Variants in TG observed in about 807,000 individuals in gnomAD.
The protein encoded by TG is thyroglobulin.
Under a neutral mutation model 324.7 loss-of-function variants are expected in TG, and 270 were observed. The ratio of observed to expected loss-of-function variants is 0.83; its 90% CI spans 0.75 to 0.92. The LOEUF (loss-of-function observed/expected upper bound fraction) is 0.92. TG is among the 40% of genes least tolerant of loss of function. The pLI is 0.00. For missense variants in TG, 3,591 were observed against 3,456.4 expected (o/e 1.04, Z -0.98); for synonymous variants, 1,401 against 1,327.0 (o/e 1.06, Z -1.21).
At chr8:132,902,908 C>T (rs867137971) in intron 16 of TG, among the ~76,000 whole-genome samples, 2 of 152,204 alleles carry the variant, frequency 1.3e-5, no homozygotes, top group Admixed American at 1.3e-4. Context: ...TTTCACATCC[C>T]TTATCCCATT....
At position 132,983,267 on chromosome 8, in the gene TG, TCTTATA is replaced by T. The variant is rs1831114773; in HGVS notation, c.6200-76_6200-71del. On this transcript the variant is annotated intron_variant, in intron 34 of 47. Coordinates refer to ENST00000220616, the MANE Select transcript of TG (RefSeq NM_003235.5). The stretch of plus-strand genomic sequence containing the variant: ...TCCAAGTCCAATTTTACAATCACCA[TCTTATA>T]CTTATATTAATGCCTTCTGAACTCG... 3.4e-6 allele frequency: 5 copies of T among 1,454,466 alleles called. No individual in the cohort carries two copies. The East Asian group carries it at 9.1e-5, about 26-fold the overall frequency. The allele number at this position is 1,454,466 out of a possible 1,614,324, so 90.1% of individuals were successfully genotyped here. A position where few individuals can be genotyped will look rare whatever the true frequency, so the allele number is the denominator to read the frequency against.
In TG at chr8:132,950,763, G is replaced by A. The variant is rs116279026; in HGVS notation, c.5401+1820G>A. 2.9e-3 allele frequency among the ~76,000 whole-genome samples: 447 copies of A among 152,316 alleles called. 4 individuals carry two copies. Among genetic ancestry groups the A allele is most frequent in the African/African-American group, 9.9e-3 (413 of 41,566 alleles). ...TGTCTATATAATGACAGTAATACCA[G>A]TACCCATCTCACGGGGTTGGGAGGA... On this transcript the variant is annotated intron_variant, in intron 27 of 47. Transcript: ENST00000220616.
intron 23 of TG, among the ~76,000 whole-genome samples, chr8:132,930,821 G>C (rs1418669298): frequency 2.0e-5 from 3 of 152,196 alleles, no homozygotes; most frequent in Non-Finnish European, 4.4e-5. Flanking sequence ...GGGCCACTGA[G>C]TTCAGTGTCT....
rs186137433 is a variant in TG at position 132,966,412 on chromosome 8, G to A, written c.5549-148G>A. On this transcript the variant is annotated intron_variant, in intron 29 of 47. Coordinates refer to ENST00000220616, the MANE Select transcript of TG (RefSeq NM_003235.5). ...TTCAATCCTGCTCTGGTTTCACACAGCATAAAAATGTCTCTGTCTCTATCT... is the reference window on the plus strand; with the variant it reads ...TTCAATCCTGCTCTGGTTTCACACAACATAAAAATGTCTCTGTCTCTATCT... 7 of 1,039,326 alleles carry A rather than the reference G, an allele frequency of 6.7e-6. No individual in the cohort carries two copies. In the East Asian group the frequency reaches 1.5e-4, roughly 23 times the overall value. 64.4% of individuals were successfully genotyped at this position (1,039,326 alleles called of 1,614,324 possible). A position where few individuals can be genotyped will look rare whatever the true frequency, so the allele number is the denominator to read the frequency against.
chr8:132,989,715 G>A (rs11998272), intron 35 of TG, among the ~76,000 whole-genome samples: 62,160 of 152,084 alleles, frequency 0.41, 14,523 homozygotes, highest in African/African-American at 0.64. Context: ...GTGGGTTGAC[G>A]GAATTCACTT....
chr8:133,068,409 G>C lies in TG; in HGVS notation c.7240-26635G>C, dbSNP rs145449626. On this transcript the variant is annotated intron_variant, in intron 41 of 47. Coordinates refer to ENST00000220616, the MANE Select transcript of TG (RefSeq NM_003235.5). The stretch of plus-strand genomic sequence containing the variant: ...ACCAGAAGGGGATGGAGGTGTCCTA[G>C]TGTACATTTTAAGGTCATTTTAAGA... Among the ~76,000 whole-genome samples, 384 of 152,356 alleles carry C rather than the reference G, an allele frequency of 2.5e-3. 1 individual carries two copies. The highest frequency in any genetic ancestry group is 8.7e-3 in the African/African-American group (362 of 41,586).
intron 41 of TG, among the ~76,000 whole-genome samples, chr8:133,087,070 TTACACA>T (rs1165859727): frequency 9.9e-6 from 1 of 101,498 alleles, no homozygotes; most frequent in African/African-American, 4.0e-5. Flanking sequence ...GAATATATGT[TTACACA>T]CACACACACA....
intron 40 of TG, among the ~76,000 whole-genome samples, chr8:133,024,347 TTTC>T (rs1835847054): frequency 8.1e-6 from 1 of 122,736 alleles, no homozygotes; most frequent in African/African-American, 3.6e-5. Flanking sequence ...TCTTTCTTTC[TTTC>T]TTTCTTTCTT....
At chr8:133,112,033 C>G (rs1311497524) in intron 43 of TG, among the ~76,000 whole-genome samples, 2 of 143,872 alleles carry the variant, frequency 1.4e-5, no homozygotes, top group Non-Finnish European at 3.2e-5. Context: ...AGGGGCTGTT[C>G]CCACCCAGGA....
At chr8:132,989,867 C>A (rs1030307969) in intron 35 of TG, among the ~76,000 whole-genome samples, 2 of 152,150 alleles carry the variant, frequency 1.3e-5, no homozygotes, top group Admixed American at 6.5e-5. Flanking sequence ...GCTTTGAGGT[C>A]CACCTGGGCA....
At chr8:133,040,642 G>C (rs940283540) in intron 41 of TG, among the ~76,000 whole-genome samples, 4 of 151,674 alleles carry the variant, frequency 2.6e-5, no homozygotes, top group Non-Finnish European at 4.4e-5. Flanking sequence ...TAGATCTCTA[G>C]GAAGAAAGAT....
intron 45 of TG, 28 bp from the exon 46 acceptor site, chr8:133,131,784 T>C: frequency 5.0e-6 from 8 of 1,613,876 alleles, no homozygotes; most frequent in Middle Eastern, 1.7e-4. Context: ...CTTGACCTTT[T>C]GCTGCTGCTT....
At chr8:133,109,189 A>G (rs1850068388) in intron 43 of TG, among the ~76,000 whole-genome samples, 1 of 152,144 alleles carries the variant, frequency 6.6e-6, no homozygotes, top group South Asian at 2.1e-4. Context: ...TGGATTTTCT[A>G]TTATAATCTG....
chr8:132,996,080 C>T (rs976698797), intron 35 of TG, among the ~76,000 whole-genome samples: 2 of 152,166 alleles, frequency 1.3e-5, no homozygotes, highest in African/African-American at 2.4e-5. Flanking sequence ...TGGATGAAGT[C>T]CCTGGCAGTT....
intron 37 of TG, among the ~76,000 whole-genome samples, chr8:133,014,605 G>A (rs1834853115): frequency 6.6e-6 from 1 of 152,236 alleles, no homozygotes. Context: ...TAAACAACAT[G>A]TAAGTCAGTA....
At chr8:133,037,518 C>G (rs896360019) in intron 41 of TG, 2 of 152,206 alleles carry the variant, frequency 1.3e-5, no homozygotes, top group African/African-American at 4.8e-5. Context: ...CTGAGTGTCC[C>G]TCACCTGTCT....
chr8:133,061,412 G>A (rs769103105), intron 41 of TG, among the ~76,000 whole-genome samples: 6 of 152,108 alleles, frequency 3.9e-5, no homozygotes, highest in Non-Finnish European at 5.9e-5. Context: ...CACTTTGAAC[G>A]TGGCGTGGCA....
intron 41 of TG, among the ~76,000 whole-genome samples, chr8:133,088,750 G>A (rs1847013677): frequency 6.6e-6 from 1 of 152,130 alleles, no homozygotes; most frequent in Admixed American, 6.5e-5. Context: ...AGGTAGTTTT[G>A]ATGCCTTTTT....
At chr8:132,967,205 A>T (rs1356923125) in intron 30 of TG, among the ~76,000 whole-genome samples, 2 of 101,164 alleles carry the variant, frequency 2.0e-5, no homozygotes, top group African/African-American at 7.6e-5. Context: ...ATCCCATCCA[A>T]CCATCCATCC....
Sources: gnomAD v4.1 joint callset for allele counts (sites outside exome capture counted in the v4.1 genomes callset) on GRCh38, gnomAD v4.1.1 for gene constraint, MANE v1.5 for transcripts, NCBI Gene and HGNC (gene_info 2026-07-23, HGNC 2026-07-21) for gene names.